Variants in PSPC1 observed in about 807,000 individuals in gnomAD.
PSPC1 encodes paraspeckle protein 1.
PSPC1 carries 14 observed loss-of-function variants against 51.6 expected under a neutral mutation model. That is an observed-to-expected ratio of 0.27 (90% CI 0.18 to 0.42). The LOEUF (loss-of-function observed/expected upper bound fraction) is 0.42, where lower values mean the gene tolerates loss of function less well. Ranked by LOEUF, PSPC1 falls within the 10% of genes least tolerant of loss-of-function variation. The pLI is 1.00. For synonymous variants in PSPC1, 193 were observed against 231.9 expected (o/e 0.83, Z 1.53); for missense variants, 406 against 701.1 (o/e 0.58, Z 4.75).
intron 6 of PSPC1, among the ~76,000 whole-genome samples, chr13:19,720,478 C>T (rs893239460): frequency 6.6e-6 from 1 of 152,086 alleles, no homozygotes; most frequent in Admixed American, 6.6e-5. Flanking sequence ...TTGTGATAGT[C>T]GGCATTAGAT....
intron 6 of PSPC1, among the ~76,000 whole-genome samples, chr13:19,688,522 T>C (rs1001701235): frequency 6.6e-6 from 1 of 152,204 alleles, no homozygotes; most frequent in African/African-American, 2.4e-5. Context: ...TTTGTCATCC[T>C]TTCTTTCTCC....
At chr13:19,759,546 G>A (rs374376719) in intron 2 of PSPC1, 128 bp from the exon 3 acceptor site, 1 of 690,784 alleles carries the variant, frequency 1.4e-6, no homozygotes, top group South Asian at 2.2e-5. Context: ...AAATGTCTCA[G>A]AAGTATCATT....
At chr13:19,762,364 T>C (rs1180934959) in intron 2 of PSPC1, among the ~76,000 whole-genome samples, 1 of 152,032 alleles carries the variant, frequency 6.6e-6, no homozygotes, top group Non-Finnish European at 1.5e-5. Context: ...GAGACCAGTC[T>C]GGCCAATATA....
At chr13:19,769,421 G>A (rs1488650867) in intron 2 of PSPC1, among the ~76,000 whole-genome samples, 1 of 152,182 alleles carries the variant, frequency 6.6e-6, no homozygotes, top group African/African-American at 2.4e-5. Context: ...CGGGCGTGGC[G>A]GCATGAGCCT....
At chr13:19,720,876 GTAATTA>G (rs928980149) in intron 6 of PSPC1, among the ~76,000 whole-genome samples, 1 of 152,028 alleles carries the variant, frequency 6.6e-6, no homozygotes, top group African/African-American at 2.4e-5. Context: ...TTGAAAGTTT[GTAATTA>G]TAATTATCAA....
At chr13:19,771,706 C>T (rs543509135) in intron 2 of PSPC1, among the ~76,000 whole-genome samples, 2 of 152,038 alleles carry the variant, frequency 1.3e-5, no homozygotes, top group South Asian at 2.1e-4. Flanking sequence ...CTGCAACCTC[C>T]GACTCCCGGA....
chr13:19,779,052 GC>G (rs951316724), intron 1 of PSPC1, among the ~76,000 whole-genome samples: 8 of 128,030 alleles, frequency 6.2e-5, no homozygotes, highest in Non-Finnish European at 1.4e-4. Context: ...GAGCGCCTCT[GC>G]CCGGCCGAGA....
chr13:19,730,465 T>C (rs1349222194), intron 5 of PSPC1, 121 bp from the exon 6 acceptor site: 3 of 817,114 alleles, frequency 3.7e-6, no homozygotes, highest in Non-Finnish European at 6.0e-6. Context: ...TAATCACGAC[T>C]GACCACGGCA....
chr13:19,745,686 C>G (rs1885901079), intron 4 of PSPC1, among the ~76,000 whole-genome samples: 1 of 143,056 alleles, frequency 7.0e-6, no homozygotes, highest in Non-Finnish European at 1.5e-5. Context: ...GTGGCGTGAT[C>G]TCGGCTCACT....
chr13:19,776,650 G>A (rs1393417391), intron 1 of PSPC1, among the ~76,000 whole-genome samples: 1 of 151,808 alleles, frequency 6.6e-6, no homozygotes, highest in Non-Finnish European at 1.5e-5. Context: ...TGGGACTACA[G>A]GTGCCTGCAA....
chr13:19,707,947 T>C (rs1880910762), intron 7 of PSPC1, among the ~76,000 whole-genome samples: 1 of 152,198 alleles, frequency 6.6e-6, no homozygotes, highest in African/African-American at 2.4e-5. Flanking sequence ...ATTGGACCAC[T>C]TGGACATCAT....
downstream of PSPC1, chr13:19,673,274 G>T (rs1323438601): frequency 8.0e-6 from 3 of 374,250 alleles, no homozygotes; most frequent in African/African-American, 6.4e-5. Context: ...GGGTTATGGA[G>T]AAGTTGAAAA....
chr13:19,688,436 C>T (rs1252782338), intron 6 of PSPC1, among the ~76,000 whole-genome samples: 1 of 152,052 alleles, frequency 6.6e-6, no homozygotes, highest in Non-Finnish European at 1.5e-5. Context: ...TTTTTCCTTC[C>T]GTCTGCCTCT....
rs1277508665 is a variant in PSPC1 at position 19,741,634 on chromosome 13, T to A, written c.983A>T (p.Gln328Leu). 9.4e-6 allele frequency: 15 copies of A among 1,598,974 alleles called. No individual in the cohort carries two copies. The highest frequency in any genetic ancestry group is 1.3e-5 in the Non-Finnish European group (15 of 1,170,872). The change falls in exon 5 of 9, where the codon CAA (glutamine) becomes CTA (leucine). Residue 328 changes from glutamine (Q) to leucine (L), a missense_variant. This residue lies in a region of PSPC1 where 180 missense variants were observed against 337.9 expected (regional missense o/e 0.53). Coordinates refer to ENST00000338910, the MANE Select transcript of PSPC1 (RefSeq NM_001354909.2). ...TTCTTCCAAGCGTCTGAGTTCTTCT[T>A]GACGCCTCATTAGATCTATAAAATA... ...MLMRQDLMRR[Q>L]EELRRLEELR...
downstream of PSPC1, chr13:19,673,101 T>G (rs1279093602): frequency 1.6e-5 from 4 of 253,682 alleles, no homozygotes; most frequent in Admixed American, 4.5e-5. Flanking sequence ...TTTTTTTGTT[T>G]TTTTTTTTTG....
chr13:19,683,721 T>C (rs193179388), intron 6 of PSPC1, among the ~76,000 whole-genome samples: 59 of 152,278 alleles, frequency 3.9e-4, no homozygotes, highest in Admixed American at 1.2e-3. Context: ...TGTTCAGATA[T>C]AGGAATCATT....
chr13:19,684,828 G>GA (rs1484130954), intron 6 of PSPC1, among the ~76,000 whole-genome samples: 3 of 152,142 alleles, frequency 2.0e-5, no homozygotes, highest in Admixed American at 6.5e-5. Context: ...CCTCACTGGG[G>GA]AACACTACTT....
intron 4 of PSPC1, among the ~76,000 whole-genome samples, chr13:19,742,004 C>T (rs1402125883): frequency 4.6e-5 from 7 of 151,938 alleles, no homozygotes; most frequent in Non-Finnish European, 7.4e-5. Context: ...TGGTGGCGCG[C>T]GCCTGTAGTC....
At chr13:19,737,414 C>T (rs1884962154) in intron 5 of PSPC1, among the ~76,000 whole-genome samples, 1 of 152,096 alleles carries the variant, frequency 6.6e-6, no homozygotes, top group Non-Finnish European at 1.5e-5. Context: ...GTAGAATGTC[C>T]TTGAATTTGG....
Sources: gnomAD v4.1 joint callset for allele counts (sites outside exome capture counted in the v4.1 genomes callset) on GRCh38, gnomAD v4.1.1 for gene constraint, gnomAD v4.1.1 regional missense constraint, MANE v1.5 for transcripts, NCBI Gene and HGNC (gene_info 2026-07-23, HGNC 2026-07-21) for gene names.